Variants in KDM5B observed in about 807,000 individuals in gnomAD.
The protein encoded by KDM5B is lysine-specific demethylase 5B.
A neutral mutation model predicts 193.4 loss-of-function variants in KDM5B; 144 were observed. The ratio of observed to expected loss-of-function variants is 0.74; its 90% CI spans 0.65 to 0.86. The LOEUF (loss-of-function observed/expected upper bound fraction) is 0.86, where lower values mean the gene tolerates loss of function less well. Among genes scored for constraint, KDM5B ranks in the 40% least tolerant of loss-of-function variants. The probability of loss-of-function intolerance (pLI) is 0.00; values close to 1 mark genes in which losing one functional copy is unlikely to be tolerated. For synonymous variants in KDM5B, 668 were observed against 682.6 expected, an observed-to-expected ratio of 0.98 and a Z score of 0.33; for missense variants, 1,833 against 1,886.9, an observed-to-expected ratio of 0.97 and a Z score of 0.53.
intron 20 of KDM5B, among the ~76,000 whole-genome samples, chr1:202,739,963 C>A (rs967998647): frequency 2.0e-5 from 3 of 152,256 alleles, no homozygotes; most frequent in African/African-American, 7.2e-5. Context: ...CATTGTCATC[C>A]CGGCCCGTTC....
At chr1:202,781,168 G>A (rs1657183161) in intron 1 of KDM5B, among the ~76,000 whole-genome samples, 1 of 152,126 alleles carries the variant, frequency 6.6e-6, no homozygotes, top group Non-Finnish European at 1.5e-5. Context: ...GCATAGTGGT[G>A]CAAACCTGTA....
At chr1:202,744,417 G>A (rs188049478) in intron 16 of KDM5B, among the ~76,000 whole-genome samples, 1 of 152,176 alleles carries the variant, frequency 6.6e-6, no homozygotes, top group Non-Finnish European at 1.5e-5. Context: ...AATTAGCTGG[G>A]CATGTTGGCA....
intron 20 of KDM5B, 27 bp downstream of exon 20, chr1:202,740,647 A>G: frequency 2.5e-6 from 4 of 1,592,538 alleles, no homozygotes; most frequent in Admixed American, 1.7e-5. Context: ...GCACTTACAC[A>G]TTCTGTATAT....
Position 202,731,914 on chromosome 1 carries a change from G to T in KDM5B, c.3935C>A (p.Ser1312Ter). ...GTCCCAGTCATCAGGCAAAGAAAAT[G>T]ATGTTGTGCCAGGAGGTTGAGATAC... ...NKVSQPPGTT[S>*]FSLPDDWDNR... The change falls in exon 24 of 27, where the codon TCA becomes TAA. Residue 1312 changes from serine (S) to a stop codon, truncating the protein, a stop_gained. Coordinates refer to ENST00000367265, the MANE Select transcript of KDM5B (RefSeq NM_006618.5). LOFTEE classifies it high-confidence loss of function. 6.2e-7 allele frequency: 1 copy of T among 1,613,160 alleles called. No homozygotes were observed. Among genetic ancestry groups the T allele is most frequent in the Non-Finnish European group, 8.5e-7 (1 of 1,179,616 alleles).
chr1:202,740,242 C>T (rs1655265111), intron 20 of KDM5B, among the ~76,000 whole-genome samples: 4 of 147,478 alleles, frequency 2.7e-5, no homozygotes, highest in Admixed American at 1.3e-4. Context: ...CTGACCCTCC[C>T]GCCTCCCTCC....
At chr1:202,755,525 ATAT>A (rs1264802972) in intron 10 of KDM5B, 73 bp from the exon 11 acceptor site, 2 of 1,140,772 alleles carry the variant, frequency 1.8e-6, no homozygotes, top group Admixed American at 2.2e-5. Flanking sequence ...CCAGCTAAAA[ATAT>A]TATCCTTCAA....
Position 202,792,674 on chromosome 1 carries a change from G to A in KDM5B, c.204+15428C>T, listed in dbSNP as rs1487770725. 1.1e-4 allele frequency among the ~76,000 whole-genome samples: 17 copies of A among 152,322 alleles called. No individual in the cohort carries two copies. In the South Asian group the frequency reaches 3.3e-3, roughly 30 times the overall value. ...TAATGAATTCAAGTCTGGGTGGCCAGAAGGAAGAGAGAGAAGACCACAGTC... is the reference window on the plus strand; with the variant it reads ...TAATGAATTCAAGTCTGGGTGGCCAAAAGGAAGAGAGAGAAGACCACAGTC... On this transcript the variant is annotated intron_variant, in intron 1 of 26. Transcript: ENST00000367265.
At chr1:202,729,309 C>T in intron 26 of KDM5B, 136 bp from the exon 27 acceptor site, 1 of 915,216 alleles carries the variant, frequency 1.1e-6, no homozygotes, top group South Asian at 1.6e-5. Context: ...GGCACAACAG[C>T]TAAGCCAAAT....
intron 16 of KDM5B, among the ~76,000 whole-genome samples, chr1:202,743,497 G>A (rs1232979817): frequency 6.6e-6 from 1 of 152,140 alleles, no homozygotes; most frequent in Non-Finnish European, 1.5e-5. Flanking sequence ...AGTAACTAGT[G>A]TGCTCAGTTA....
At chr1:202,748,900 A>G (rs1892163) in intron 14 of KDM5B, 45 bp downstream of exon 14, 1,066,382 of 1,500,700 alleles carry the variant, frequency 0.71, 387,165 homozygotes, top group Middle Eastern at 0.78. Flanking sequence ...ATTTTACTAA[A>G]TAATACCCAA....
chr1:202,755,854 T>C (rs1221712130), intron 10 of KDM5B, among the ~76,000 whole-genome samples: 1 of 152,064 alleles, frequency 6.6e-6, no homozygotes, highest in Non-Finnish European at 1.5e-5. Flanking sequence ...GCTGGGAATA[T>C]CCTATTTCTT....
chr1:202,734,145 CTT>C (rs1484100689), intron 22 of KDM5B, among the ~76,000 whole-genome samples: 1 of 152,074 alleles, frequency 6.6e-6, no homozygotes, highest in Non-Finnish European at 1.5e-5. Flanking sequence ...ATAGGACACT[CTT>C]TGCCTGGCAC....
chr1:202,803,494 T>C (rs912330200), intron 1 of KDM5B, among the ~76,000 whole-genome samples: 3 of 152,172 alleles, frequency 2.0e-5, no homozygotes, highest in Admixed American at 2.0e-4. Context: ...ACCCATTCAA[T>C]AACTACAACA....
intron 20 of KDM5B, among the ~76,000 whole-genome samples, chr1:202,736,742 A>G (rs1655112889): frequency 6.6e-6 from 1 of 152,026 alleles, no homozygotes; most frequent in Non-Finnish European, 1.5e-5. Flanking sequence ...CCTGGGTTCA[A>G]GCAATTCTCC....
At chr1:202,766,039 G>C (rs1326189908) in intron 5 of KDM5B, among the ~76,000 whole-genome samples, 1 of 152,176 alleles carries the variant, frequency 6.6e-6, no homozygotes, top group Non-Finnish European at 1.5e-5. Flanking sequence ...GTGAGACCTT[G>C]TCTTTATTAA....
intron 5 of KDM5B, chr1:202,766,617 G>A (rs1353431905): frequency 1.1e-5 from 5 of 447,098 alleles, no homozygotes; most frequent in East Asian, 1.1e-4. Flanking sequence ...ATTAAACAAC[G>A]CCAATTTTGT....
At chr1:202,735,381 T>C in intron 22 of KDM5B, 48 bp downstream of exon 22, 1 of 1,563,250 alleles carries the variant, frequency 6.4e-7, no homozygotes, top group Non-Finnish European at 8.7e-7. Context: ...GGGTTAGAAA[T>C]TATTCTTCCC....
At position 202,729,141 on chromosome 1, in the gene KDM5B, AT is replaced by A; in HGVS notation, c.4529del (p.Asn1510IlefsTer28). 6.2e-7 allele frequency: 1 copy of A among 1,614,176 alleles called. No individual in the cohort carries two copies. The highest frequency in any genetic ancestry group is 8.5e-7 in the Non-Finnish European group (1 of 1,180,004). The part of the protein sequence containing the change: ...VDWVQCDGSC[N>X]QWFHQVCVGV... ...CAACACAGACCTGATGAAACCACTGATTGCAGCTGCCATCACACTGGACCCA... is the reference window on the plus strand; with the variant it reads ...CAACACAGACCTGATGAAACCACTGATGCAGCTGCCATCACACTGGACCCA... On this transcript the variant is annotated frameshift_variant, in exon 27 of 27. Coordinates refer to ENST00000367265, the MANE Select transcript of KDM5B (RefSeq NM_006618.5). LOFTEE classifies it high-confidence loss of function.
At chr1:202,799,921 A>G (rs1345072809) in intron 1 of KDM5B, among the ~76,000 whole-genome samples, 2 of 152,238 alleles carry the variant, frequency 1.3e-5, no homozygotes, top group African/African-American at 4.8e-5. Context: ...ATTTTAAGGG[A>G]CATTAATAGA....
Sources: allele counts gnomAD v4.1 joint callset (sites outside exome capture counted in the v4.1 genomes callset), GRCh38; gene constraint gnomAD v4.1.1; transcripts MANE v1.5; gene names NCBI Gene and HGNC (gene_info 2026-07-23, HGNC 2026-07-21).